Variants in TACC2 observed in about 807,000 individuals in gnomAD.
TACC2 encodes the protein transforming acidic coiled-coil containing protein 2.
Under a neutral mutation model 227.3 loss-of-function variants are expected in TACC2, and 137 were observed. The ratio of observed to expected loss-of-function variants is 0.60; its 90% CI spans 0.52 to 0.69. The LOEUF (loss-of-function observed/expected upper bound fraction) is 0.69. TACC2 is among the 30% of genes least tolerant of loss of function. TACC2 has a pLI of 0.00. For missense variants in TACC2, 3,470 were observed against 3,694.4 expected, an observed-to-expected ratio of 0.94 and a Z score of 1.57; for synonymous variants, 1,523 against 1,487.5, an observed-to-expected ratio of 1.02 and a Z score of -0.55.
At chr10:122,167,670 G>C in intron 7 of TACC2, among the ~76,000 whole-genome samples, 1 of 152,216 alleles carries the variant, frequency 6.6e-6, no homozygotes, top group East Asian at 1.9e-4. Context: ...GAGAAAATCC[G>C]ATGACTCTGA....
rs200693562 is a variant in TACC2, at chr10:122,226,322, A to G, written c.7609-44A>G. The G allele has an allele frequency of 1.7e-5, 24 of 1,393,100 alleles. No homozygotes were observed. In the East Asian group the frequency reaches 5.1e-4, roughly 30 times the overall value. 86.3% of individuals were successfully genotyped at this position (1,393,100 alleles called of 1,614,324 possible). A position where few individuals can be genotyped will look rare whatever the true frequency, so the allele number is the denominator to read the frequency against. On this transcript the variant is annotated intron_variant, in intron 12 of 22. Coordinates refer to ENST00000369005, the MANE Select transcript of TACC2 (RefSeq NM_206862.4). ...CAGTTTTCATCTCCGTTGCACGTTCAGGCCAACTGTACCCAAGCTGATATG... is the reference window on the plus strand; with the variant it reads ...CAGTTTTCATCTCCGTTGCACGTTCGGGCCAACTGTACCCAAGCTGATATG...
In TACC2 at chr10:122,230,446, G is replaced by A. The variant is rs1047274266; in HGVS notation, c.8127+6G>A. 26 of 1,613,846 alleles carry A rather than the reference G, an allele frequency of 1.6e-5. No individual in the cohort carries two copies. Among genetic ancestry groups the A allele is most frequent in the East Asian group, 2.2e-5 (1 of 44,884 alleles). On this transcript the variant is annotated splice_donor_region_variant and intron_variant, in intron 16 of 22. Coordinates refer to ENST00000369005, the MANE Select transcript of TACC2 (RefSeq NM_206862.4). The stretch of plus-strand genomic sequence containing the variant: ...GCAGCCACCAGGATGCCAAGGTACC[G>A]GTTTGCTGCTGCGTGCGCCACCTCC...
intron 7 of TACC2, among the ~76,000 whole-genome samples, chr10:122,176,113 C>A (rs1018427319): frequency 0.019 from 1,022 of 54,012 alleles, 1 homozygote; most frequent in Non-Finnish European, 0.021. Context: ...CTCTCTCTCT[C>A]TCTCTATATA....
intron 1 of TACC2, among the ~76,000 whole-genome samples, chr10:121,993,562 A>C (rs1375135116): frequency 6.6e-6 from 1 of 152,156 alleles, no homozygotes; most frequent in East Asian, 1.9e-4. Flanking sequence ...TTGCCTTTAT[A>C]ATGTAGTATT....
At chr10:122,244,946 G>A (rs1382673266) in intron 19 of TACC2, 1 of 152,218 alleles carries the variant, frequency 6.6e-6, no homozygotes, top group African/African-American at 2.4e-5. Flanking sequence ...AGACTTCTGT[G>A]CTTTCTGCAT....
intron 5 of TACC2, among the ~76,000 whole-genome samples, chr10:122,107,288 A>T (rs2082921098): frequency 6.6e-6 from 1 of 152,152 alleles, no homozygotes; most frequent in Non-Finnish European, 1.5e-5. Context: ...TAATCCCAGC[A>T]CTTTGGGAGG....
intron 7 of TACC2, among the ~76,000 whole-genome samples, chr10:122,162,545 A>T (rs1206703202): frequency 6.6e-6 from 1 of 152,184 alleles, no homozygotes; most frequent in Non-Finnish European, 1.5e-5. Context: ...TTGAATGTAC[A>T]GCATGAGGGG....
chr10:122,132,863 C>G (rs1045616366), intron 6 of TACC2, 129 bp downstream of exon 6: 5 of 947,108 alleles, frequency 5.3e-6, no homozygotes, highest in Middle Eastern at 3.2e-4. Context: ...TCTGCACACA[C>G]ACACAGGGTG....
chr10:122,204,827 C>CAAAAAA (rs565625713), intron 8 of TACC2, among the ~76,000 whole-genome samples: 1 of 134,878 alleles, frequency 7.4e-6, no homozygotes. Flanking sequence ...CCTGGCTCTT[C>CAAAAAA]AAAAAAAAAA....
At chr10:122,093,617 G>A (rs1052772760) in intron 5 of TACC2, among the ~76,000 whole-genome samples, 1 of 152,204 alleles carries the variant, frequency 6.6e-6, no homozygotes, top group Non-Finnish European at 1.5e-5. Flanking sequence ...AGGCAGTTAA[G>A]TTAGACAGAT....
chr10:122,065,225 C>T (rs1043548728), intron 3 of TACC2, among the ~76,000 whole-genome samples: 1 of 152,148 alleles, frequency 6.6e-6, no homozygotes, highest in African/African-American at 2.4e-5. Context: ...AGCTGAGAAG[C>T]TGGCATCATT....
At chr10:122,096,866 C>G (rs2081499960) in intron 5 of TACC2, among the ~76,000 whole-genome samples, 1 of 152,200 alleles carries the variant, frequency 6.6e-6, no homozygotes. Flanking sequence ...TCTCTGCTTT[C>G]TTAATGCCTG....
chr10:122,005,390 T>A (rs1954952384), intron 1 of TACC2, among the ~76,000 whole-genome samples: 1 of 148,516 alleles, frequency 6.7e-6, no homozygotes, highest in Non-Finnish European at 1.5e-5. Flanking sequence ...AGCTTTTTTT[T>A]TTTTTTTTGA....
rs754208971 is a variant in TACC2, at chr10:122,084,222, C to T, written c.1722C>T (p.Asp574=). ...AAGAAGGAAGCAGATCACCTGGTGA[C>T]AGCCCTGGAGGAAAGGAGGAAGCCC... ...VAKEGSRSPG[D]SPGGKEEAPE... The change falls in exon 4 of 23, where the codon GAC becomes GAT. Residue 574 remains aspartate, a synonymous_variant. Transcript: ENST00000369005. 6.2e-7 allele frequency: 1 copy of T among 1,614,078 alleles called. No homozygotes were observed. Among genetic ancestry groups the T allele is most frequent in the South Asian group, 1.1e-5 (1 of 91,084 alleles).
rs747725878 is a variant in TACC2 at position 122,083,806 on chromosome 10, G to T, written c.1306G>T (p.Glu436Ter). The T allele has an allele frequency of 6.2e-7, 1 of 1,614,172 alleles. No homozygotes were observed. Reference sequence around the variant, plus strand: ...TGCTCAGATTCCTATTGCTGTAGAAGAACCTGGATCATCATCCAGGGAATC... The same window carrying T: ...TGCTCAGATTCCTATTGCTGTAGAATAACCTGGATCATCATCCAGGGAATC... ...PAAQIPIAVE[E>*]PGSSSRESVS... Residue 436 changes from glutamate (E) to a stop codon, truncating the protein, a stop_gained, in exon 4 of 23, where the codon GAA (glutamate) becomes TAA (stop). Coordinates refer to ENST00000369005, the MANE Select transcript of TACC2 (RefSeq NM_206862.4). LOFTEE classifies it high-confidence loss of function.
chr10:122,081,698 C>T (rs1044146956), intron 3 of TACC2, among the ~76,000 whole-genome samples: 2 of 151,996 alleles, frequency 1.3e-5, no homozygotes, highest in Non-Finnish European at 2.9e-5. Context: ...CACTTTTTTT[C>T]GCCACACATT....
chr10:122,017,841 CAAAG>C (rs1242687198), intron 1 of TACC2, among the ~76,000 whole-genome samples: 1 of 112,860 alleles, frequency 8.9e-6, no homozygotes, highest in South Asian at 3.3e-4. Flanking sequence ...AAAAAAAAGA[CAAAG>C]AAAAGAAAAA....
At chr10:122,127,074 A>T (rs10788248) in intron 5 of TACC2, 100,129 of 161,728 alleles carry the variant, frequency 0.62, 35,578 homozygotes, top group Non-Finnish European at 0.77. Context: ...TCTGTGAACT[A>T]GGAAGGGGTC....
chr10:122,252,576 C>T (rs1237184991), intron 22 of TACC2, among the ~76,000 whole-genome samples: 5 of 151,790 alleles, frequency 3.3e-5, no homozygotes, highest in Admixed American at 1.3e-4. Context: ...TTGCAACCTC[C>T]GCCTCCCAGG....
Sources: gnomAD v4.1 joint callset for allele counts (sites outside exome capture counted in the v4.1 genomes callset) on GRCh38, gnomAD v4.1.1 for gene constraint, MANE v1.5 for transcripts, NCBI Gene and HGNC (gene_info 2026-07-23, HGNC 2026-07-21) for gene names.